Variants in SPATA13 observed in about 807,000 individuals in gnomAD.
SPATA13 encodes the protein spermatogenesis-associated protein 13.
A neutral mutation model predicts 104.0 loss-of-function variants in SPATA13; 50 were observed. The ratio of observed to expected loss-of-function variants is 0.48; its 90% CI spans 0.38 to 0.61. The LOEUF (loss-of-function observed/expected upper bound fraction) is 0.61. Among genes scored for constraint, SPATA13 ranks in the 20% least tolerant of loss-of-function variants. The pLI, the probability that SPATA13 is intolerant of heterozygous loss-of-function variation, is 0.00. For synonymous variants in SPATA13, 606 were observed against 667.5 expected (o/e 0.91, Z 1.42); for missense variants, 1,524 against 1,690.6 (o/e 0.90, Z 1.73).
chr13:24,012,555 A>T (rs1350441953), intron 2 of SPATA13, among the ~76,000 whole-genome samples: 5 of 152,222 alleles, frequency 3.3e-5, no homozygotes, highest in Admixed American at 3.3e-4. Flanking sequence ...CGAGTTGGCC[A>T]TGTTGATCAA....
intron 3 of SPATA13, among the ~76,000 whole-genome samples, chr13:24,080,158 C>T (rs1333237541): frequency 6.6e-6 from 1 of 152,166 alleles, no homozygotes; most frequent in Admixed American, 6.5e-5. Flanking sequence ...AATCTCAAAG[C>T]CTTTTAACCC....
At chr13:24,033,343 A>G (rs1877548768) in intron 3 of SPATA13, among the ~76,000 whole-genome samples, 1 of 152,210 alleles carries the variant, frequency 6.6e-6, no homozygotes, top group African/African-American at 2.4e-5. Flanking sequence ...TGTTTCTGAT[A>G]GGGCCAGAGG....
intron 2 of SPATA13, among the ~76,000 whole-genome samples, chr13:24,229,553 A>G (rs60421563): frequency 0.049 from 7,445 of 152,212 alleles, 614 homozygotes; most frequent in African/African-American, 0.17. Flanking sequence ...ATCACTGTTT[A>G]GATGATTTTT....
At chr13:24,034,879 C>G (rs544926617) in intron 3 of SPATA13, 8 of 152,340 alleles carry the variant, frequency 5.3e-5, no homozygotes, top group Admixed American at 1.3e-4. Context: ...ACCACTCTGC[C>G]ATCATCTATG....
intron 7 of SPATA13, among the ~76,000 whole-genome samples, chr13:24,288,252 ACCCAGGCAGTCTGC>A (rs1332087876): frequency 6.6e-6 from 1 of 152,092 alleles, no homozygotes; most frequent in African/African-American, 2.4e-5. Flanking sequence ...TTGGATTTAA[ACCCAGGCAGTCTGC>A]CCCAGAACCT....
Position 24,164,087 on chromosome 13 carries a change from G to C in SPATA13, c.-112+3155G>C, listed in dbSNP as rs140584399. ...CAGGAATGAACACCAAATGTACATGGTTTTCTTGAGGGAAACTATATAATA... is the reference window on the plus strand; with the variant it reads ...CAGGAATGAACACCAAATGTACATGCTTTTCTTGAGGGAAACTATATAATA... On this transcript the variant is annotated intron_variant, in intron 1 of 12. Coordinates refer to ENST00000382108, the MANE Select transcript of SPATA13 (RefSeq NM_001166271.3). Among the ~76,000 whole-genome samples the C allele has an allele frequency of 3.8e-3, 586 of 152,286 alleles. 2 individuals are homozygous for C. The highest frequency in any genetic ancestry group is 9.5e-3 in the South Asian group (46 of 4,828).
chr13:24,074,904 T>C (rs1879278511), intron 3 of SPATA13, among the ~76,000 whole-genome samples: 1 of 152,220 alleles, frequency 6.6e-6, no homozygotes, highest in Non-Finnish European at 1.5e-5. Flanking sequence ...ACAGCTAGGC[T>C]GGGTGCAGTT....
chr13:24,045,159 T>G (rs1878094044), intron 3 of SPATA13, among the ~76,000 whole-genome samples: 1 of 152,234 alleles, frequency 6.6e-6, no homozygotes, highest in Non-Finnish European at 1.5e-5. Flanking sequence ...AGTTGTATGT[T>G]TCTGTGGCAT....
rs565461948 is a variant in SPATA13 at position 24,294,443 on chromosome 13, G to A, written c.3081-296G>A. Among the ~76,000 whole-genome samples, 6 of 152,346 alleles carry A rather than the reference G, an allele frequency of 3.9e-5. No homozygotes were observed. In the East Asian group the frequency reaches 7.7e-4, roughly 20 times the overall value. The stretch of plus-strand genomic sequence containing the variant: ...TTAATGAAAGTCACCCATTGTCACC[G>A]TGACTAAAACTTACTTATTTGTGGC... On this transcript the variant is annotated intron_variant, in intron 9 of 12. Transcript: ENST00000382108.
chr13:24,018,830 C>G (rs933271617), intron 3 of SPATA13, among the ~76,000 whole-genome samples: 6 of 152,128 alleles, frequency 3.9e-5, no homozygotes, highest in Non-Finnish European at 7.3e-5. Flanking sequence ...GTGTATCATA[C>G]GAGTGGATTA....
chr13:24,294,908 C>G, intron 10 of SPATA13, 40 bp downstream of exon 10: 1 of 1,580,478 alleles, frequency 6.3e-7, no homozygotes, highest in Non-Finnish European at 8.7e-7. Context: ...TGCCACTCGC[C>G]CTTCCCGCAC....
intron 2 of SPATA13, among the ~76,000 whole-genome samples, chr13:23,990,701 G>A (rs1015593383): frequency 6.6e-6 from 1 of 152,244 alleles, no homozygotes; most frequent in Non-Finnish European, 1.5e-5. Flanking sequence ...CCACGAAGCT[G>A]TAAATGCCCA....
chr13:24,293,990 G>A (rs1467989700), intron 9 of SPATA13, among the ~76,000 whole-genome samples: 6 of 152,204 alleles, frequency 3.9e-5, no homozygotes, highest in African/African-American at 1.4e-4. Flanking sequence ...TAGCTGGATG[G>A]TTGGTCTCCA....
rs780002704 is a variant in SPATA13 at position 24,249,779 on chromosome 13, G to A, written c.1956G>A (p.Val652=). 2 of 1,613,978 alleles carry A rather than the reference G, an allele frequency of 1.2e-6. No individual in the cohort carries two copies. The highest frequency in any genetic ancestry group is 1.7e-6 in the Non-Finnish European group (2 of 1,180,012). ...CCCGGAGAAGGCGCCCCATTTCCGT[G>A]ATAGGTGGGGTCAGCTTGTATGGGA... ...KGARRRRPIS[V]IGGVSLYGTN... is the part of the protein sequence containing the mutation. The change falls in exon 3 of 13, where the codon GTG becomes GTA. Residue 652 remains valine, a synonymous_variant. Coordinates refer to ENST00000382108, the MANE Select transcript of SPATA13 (RefSeq NM_001166271.3).
At chr13:24,252,586 AG>A (rs1398856844) in intron 4 of SPATA13, among the ~76,000 whole-genome samples, 2 of 152,224 alleles carry the variant, frequency 1.3e-5, no homozygotes, top group African/African-American at 4.8e-5. Flanking sequence ...TAGCATTGTT[AG>A]GGTGGTAGGA....
intron 3 of SPATA13, among the ~76,000 whole-genome samples, chr13:24,052,563 A>G (rs1878382658): frequency 6.6e-6 from 1 of 151,670 alleles, no homozygotes; most frequent in Admixed American, 6.6e-5. Flanking sequence ...TCTCCACCAC[A>G]GCACCTCTCC....
intron 4 of SPATA13, among the ~76,000 whole-genome samples, chr13:24,256,690 T>G (rs112348330): frequency 0.015 from 2,325 of 152,320 alleles, 57 homozygotes; most frequent in Admixed American, 0.046. Flanking sequence ...GCCCTGTTTG[T>G]AGCACCTGTC....
intron 10 of SPATA13, among the ~76,000 whole-genome samples, chr13:24,295,690 TC>T (rs1876730504): frequency 6.6e-6 from 1 of 152,004 alleles, no homozygotes; most frequent in Non-Finnish European, 1.5e-5. Flanking sequence ...TCTCTCTCTC[TC>T]TCTCTCTCTG....
In SPATA13 at chr13:24,223,387, T is replaced by C. The variant is rs1244264208; in HGVS notation, c.458T>C (p.Val153Ala). The C allele has an allele frequency of 6.4e-7, 1 of 1,551,126 alleles. No individual in the cohort carries two copies. The highest frequency in any genetic ancestry group is 8.7e-7 in the Non-Finnish European group (1 of 1,146,968). The stretch of plus-strand genomic sequence containing the variant: ...GGAAAGTCCATCCCAAATGGCGCTG[T>C]CCCAGGAGCCCAGGCAAGCAGGGGC... The part of the protein sequence containing the change: ...GLGKSIPNGA[V>A]PGAQASRGSP... The change falls in exon 2 of 13, where the codon GTC (valine) becomes GCC (alanine). Residue 153 changes from valine (V) to alanine (A), a missense_variant. Transcript: ENST00000382108.
Sources: allele counts gnomAD v4.1 joint callset (sites outside exome capture counted in the v4.1 genomes callset), GRCh38; gene constraint gnomAD v4.1.1; transcripts MANE v1.5; gene names NCBI Gene and HGNC (gene_info 2026-07-23, HGNC 2026-07-21).